Variants in TRERF1 observed in about 807,000 individuals in gnomAD.
TRERF1 encodes transcriptional regulating factor 1.
A neutral mutation model predicts 122.9 loss-of-function variants in TRERF1; 27 were observed. The ratio of observed to expected loss-of-function variants is 0.22; its 90% CI spans 0.16 to 0.30. The LOEUF is 0.30. Ranked by LOEUF, TRERF1 falls within the 10% of genes least tolerant of loss-of-function variation. The pLI, the probability that TRERF1 is intolerant of heterozygous loss-of-function variation, is 1.00. For missense variants in TRERF1, 1,248 were observed against 1,560.3 expected (o/e 0.80, Z 3.37); for synonymous variants, 636 against 641.7 (o/e 0.99, Z 0.13).
intron 3 of TRERF1, among the ~76,000 whole-genome samples, chr6:42,351,553 T>A (rs1769446279): frequency 6.6e-6 from 1 of 152,226 alleles, no homozygotes; most frequent in Admixed American, 6.5e-5. Flanking sequence ...AGCATATGCA[T>A]TATATAGATC....
intron 2 of TRERF1, among the ~76,000 whole-genome samples, chr6:42,435,534 G>C (rs776908547): frequency 6.6e-5 from 10 of 152,044 alleles, no homozygotes; most frequent in Non-Finnish European, 1.2e-4. Flanking sequence ...CTGGGTGACA[G>C]AGTAATACTC....
At chr6:42,447,929 C>G (rs1787827928) in intron 2 of TRERF1, among the ~76,000 whole-genome samples, 1 of 152,146 alleles carries the variant, frequency 6.6e-6, no homozygotes, top group Non-Finnish European at 1.5e-5. Flanking sequence ...GTCTTGAACT[C>G]CTGACCTCAG....
intron 2 of TRERF1, among the ~76,000 whole-genome samples, chr6:42,447,109 T>C (rs994803790): frequency 6.6e-6 from 1 of 152,154 alleles, no homozygotes; most frequent in Non-Finnish European, 1.5e-5. Context: ...ATCAAACATA[T>C]AAAAAGAAAT....
intron 2 of TRERF1, among the ~76,000 whole-genome samples, chr6:42,368,108 G>A (rs1398739114): frequency 6.6e-6 from 1 of 152,048 alleles, no homozygotes; most frequent in African/African-American, 2.4e-5. Flanking sequence ...GGACAAACTT[G>A]GGAGATTGTT....
chr6:42,277,939 G>GAAGA (rs753264003), intron 4 of TRERF1, among the ~76,000 whole-genome samples: 30 of 149,694 alleles, frequency 2.0e-4, no homozygotes, highest in Non-Finnish European at 3.6e-4. Context: ...AGAAGAAGAA[G>GAAGA]AAGAAGAAGA....
At chr6:42,430,385 C>T (rs1328845233) in intron 2 of TRERF1, among the ~76,000 whole-genome samples, 1 of 152,158 alleles carries the variant, frequency 6.6e-6, no homozygotes, top group Non-Finnish European at 1.5e-5. Flanking sequence ...ACCATCTTCC[C>T]TCACTCCAAA....
intron 3 of TRERF1, among the ~76,000 whole-genome samples, chr6:42,333,130 G>A (rs1279386594): frequency 6.6e-6 from 1 of 152,162 alleles, no homozygotes; most frequent in Non-Finnish European, 1.5e-5. Flanking sequence ...CACATTCATC[G>A]GTTAAGGTCT....
chr6:42,233,066 C>A (rs936907783), intron 16 of TRERF1, 138 bp from the exon 17 acceptor site: 231 of 891,946 alleles, frequency 2.6e-4, no homozygotes, highest in Non-Finnish European at 3.6e-4. Flanking sequence ...AATACCACAA[C>A]CACAGATCCT....
At chr6:42,340,830 A>C (rs1270009633) in intron 3 of TRERF1, among the ~76,000 whole-genome samples, 1 of 152,228 alleles carries the variant, frequency 6.6e-6, no homozygotes, top group Non-Finnish European at 1.5e-5. Flanking sequence ...TTCTGAAATG[A>C]TCAATTTCTT....
chr6:42,225,781 C>T (rs1267902326), exon 18 of TRERF1: 1 of 152,082 alleles, frequency 6.6e-6, no homozygotes, highest in Non-Finnish European at 1.5e-5. Flanking sequence ...ATATTTACAA[C>T]CTTCCTCTAA....
chr6:42,379,804 G>A (rs1008003737), intron 2 of TRERF1, among the ~76,000 whole-genome samples: 2 of 152,222 alleles, frequency 1.3e-5, no homozygotes, highest in Non-Finnish European at 2.9e-5. Flanking sequence ...GTGCTGGGAT[G>A]ACATGGGATT....
In TRERF1 at chr6:42,263,516, GGAGGCGGCAGTGGTGGCTGGGGCT is replaced by G. The variant is rs754139996; in HGVS notation, c.1664_1687del (p.Gln555_Pro562del). On this transcript the variant is annotated inframe_deletion, in exon 8 of 18. Coordinates refer to ENST00000372922, the Ensembl canonical transcript of TRERF1. The surrounding 1 kb of genome is among the most constrained non-coding windows in gnomAD (Gnocchi z 5.6). ...CTGTGGTGGCGGCGGAGGCGGAGGCGGAGGCGGCAGTGGTGGCTGGGGCTGAGGCGGCAGGACCTTCTCTCCTTC... is the reference window on the plus strand; with the variant it reads ...CTGTGGTGGCGGCGGAGGCGGAGGCGGAGGCGGCAGGACCTTCTCTCCTTC... The G allele has an allele frequency of 6.4e-7, 1 of 1,567,304 alleles. No homozygotes were observed. Among genetic ancestry groups the G allele is most frequent in the South Asian group, 1.2e-5 (1 of 82,646 alleles).
intron 4 of TRERF1, among the ~76,000 whole-genome samples, chr6:42,274,608 G>C (rs1216561548): frequency 6.6e-6 from 1 of 152,022 alleles, no homozygotes; most frequent in Non-Finnish European, 1.5e-5. Flanking sequence ...GAACTTGGGA[G>C]GTCAAGGTTG....
rs537275814 is a variant in TRERF1, at chr6:42,283,589, A to T, written c.-258-13741T>A. On this transcript the variant is annotated intron_variant, in intron 4 of 17. Coordinates refer to ENST00000372922, the Ensembl canonical transcript of TRERF1. ...TACATTACTTACAAAAAAAACCCAG[A>T]TAGAATAACATATGAAAAAAACTTT... Among the ~76,000 whole-genome samples, 4 of 151,344 alleles carry T rather than the reference A, an allele frequency of 2.6e-5. No individual in the cohort carries two copies. In the East Asian group the frequency reaches 7.7e-4, roughly 29 times the overall value.
intron 3 of TRERF1, among the ~76,000 whole-genome samples, chr6:42,350,592 TC>T (rs1769232284): frequency 1.3e-5 from 2 of 152,174 alleles, no homozygotes. Context: ...ATCCTTCCTG[TC>T]AAGTCCATCT....
At chr6:42,445,987 TCA>T (rs1197200266) in intron 2 of TRERF1, among the ~76,000 whole-genome samples, 1 of 152,252 alleles carries the variant, frequency 6.6e-6, no homozygotes, top group Non-Finnish European at 1.5e-5. Context: ...CGATCTCCAC[TCA>T]CTGCAACCTT....
rs141795250 is a variant in TRERF1, at chr6:42,347,141, T to C, written c.-371+15856A>G. Among the ~76,000 whole-genome samples the C allele has an allele frequency of 2.3e-4, 35 of 152,254 alleles. No homozygotes were observed. In the East Asian group the frequency reaches 6.4e-3, roughly 28 times the overall value. ...AATAAGCACCTTATCTGTAACAAAC[T>C]TGGAAATCAGAAGAAGCTGGAGGGG... On this transcript the variant is annotated intron_variant, in intron 3 of 17. Coordinates refer to ENST00000372922, the Ensembl canonical transcript of TRERF1.
At chr6:42,336,105 G>A (rs543214266) in intron 3 of TRERF1, among the ~76,000 whole-genome samples, 6 of 152,324 alleles carry the variant, frequency 3.9e-5, no homozygotes, top group East Asian at 1.9e-4. Context: ...ATGGGACAGC[G>A]CAGGCCTAAT....
chr6:42,317,547 G>A (rs936192926), intron 3 of TRERF1, among the ~76,000 whole-genome samples: 5 of 151,908 alleles, frequency 3.3e-5, no homozygotes, highest in African/African-American at 1.2e-4. Context: ...TAGAGACAGG[G>A]TCTCATTTTG....
Sources: gnomAD v4.1 joint callset for allele counts (sites outside exome capture counted in the v4.1 genomes callset) on GRCh38, gnomAD v4.1.1 for gene constraint, Gnocchi (gnomAD v3.1) non-coding constraint, MANE v1.5 for transcripts, NCBI Gene and HGNC (gene_info 2026-07-23, HGNC 2026-07-21) for gene names.